The following DNAH3 variants were observed in gnomAD, a reference collection of about 807,000 sequenced individuals.
DNAH3 encodes dynein axonemal heavy chain 3.
A neutral mutation model predicts 432.5 loss-of-function variants in DNAH3; 332 were observed. The ratio of observed to expected loss-of-function variants is 0.77; its 90% CI spans 0.70 to 0.84. The LOEUF is 0.84. Ranked by LOEUF, DNAH3 falls within the 40% of genes least tolerant of loss-of-function variation. The pLI, the probability that DNAH3 is intolerant of heterozygous loss-of-function variation, is 0.00. For synonymous variants in DNAH3, 1,956 were observed against 1,900.2 expected (o/e 1.03, Z -0.76); for missense variants, 4,861 against 5,114.0 (o/e 0.95, Z 1.51).
At chr16:20,995,090 C>A (rs539883286) in intron 44 of DNAH3, among the ~76,000 whole-genome samples, 1 of 152,194 alleles carries the variant, frequency 6.6e-6, no homozygotes, top group Non-Finnish European at 1.5e-5. Context: ...TGCATGCCAC[C>A]ATACCCAGAT....
chr16:21,079,506 C>G (rs2152771592), intron 20 of DNAH3, among the ~76,000 whole-genome samples: 2 of 152,252 alleles, frequency 1.3e-5, no homozygotes, highest in East Asian at 3.9e-4. Context: ...GCCTGTAATC[C>G]CAGCCACTCG....
intron 47 of DNAH3, among the ~76,000 whole-genome samples, chr16:20,986,481 T>A (rs991351294): frequency 6.6e-5 from 10 of 152,306 alleles, no homozygotes; most frequent in African/African-American, 2.4e-4. Flanking sequence ...CACTCCAGCC[T>A]GGGTGACAGA....
chr16:21,000,556 C>A (rs1310825508), intron 42 of DNAH3, 38 bp from the exon 43 acceptor site: 1 of 1,544,872 alleles, frequency 6.5e-7, no homozygotes, highest in Admixed American at 1.9e-5. Flanking sequence ...CGGTTGTGGG[C>A]CCAGGAAGCT....
intron 11 of DNAH3, among the ~76,000 whole-genome samples, chr16:21,120,105 C>CTTTTT (rs35011784): frequency 7.8e-6 from 1 of 128,570 alleles, no homozygotes; most frequent in Non-Finnish European, 1.6e-5. Flanking sequence ...TCCCTACCAA[C>CTTTTT]TTTTTTTTTT....
chr16:20,948,854 C>T (rs1385914887), intron 56 of DNAH3, among the ~76,000 whole-genome samples: 1 of 152,138 alleles, frequency 6.6e-6, no homozygotes, highest in East Asian at 1.9e-4. Context: ...AAAGTGAGAA[C>T]TTACATCCCT....
At chr16:21,001,180 C>G (rs1446005861) in intron 42 of DNAH3, among the ~76,000 whole-genome samples, 1 of 152,222 alleles carries the variant, frequency 6.6e-6, no homozygotes, top group African/African-American at 2.4e-5. Flanking sequence ...ACACACTTTT[C>G]CTGGTATTCA....
intron 16 of DNAH3, among the ~76,000 whole-genome samples, chr16:21,101,086 G>A (rs2152795755): frequency 6.6e-6 from 1 of 152,232 alleles, no homozygotes; most frequent in East Asian, 1.9e-4. Context: ...ACTGGAAATT[G>A]AAAATTCATT....
intron 1 of DNAH3, among the ~76,000 whole-genome samples, chr16:21,147,112 A>C (rs1276595575): frequency 6.6e-6 from 1 of 151,910 alleles, no homozygotes; most frequent in Admixed American, 6.6e-5. Flanking sequence ...CCCTTCTATG[A>C]GCAAATTTGA....
intron 9 of DNAH3, among the ~76,000 whole-genome samples, chr16:21,124,218 T>C (rs2092401044): frequency 6.6e-6 from 1 of 152,206 alleles, no homozygotes; most frequent in Non-Finnish European, 1.5e-5. Context: ...AACCCATATC[T>C]ACAATGAAAC....
chr16:21,138,018 C>T (rs1018586294), intron 5 of DNAH3, among the ~76,000 whole-genome samples: 6 of 151,896 alleles, frequency 4.0e-5, no homozygotes, highest in Admixed American at 3.3e-4. Flanking sequence ...GAGGCCAAGG[C>T]GGGTGGATCA....
intron 41 of DNAH3, 100 bp from the exon 42 acceptor site, chr16:21,003,307 T>C: frequency 1.4e-6 from 1 of 736,980 alleles, no homozygotes; most frequent in Non-Finnish European, 2.3e-6. Flanking sequence ...CATATGAAAA[T>C]GTGTAACTAC....
intron 59 of DNAH3, among the ~76,000 whole-genome samples, chr16:20,937,527 T>C (rs1380218712): frequency 7.2e-6 from 1 of 139,332 alleles, no homozygotes; most frequent in Admixed American, 7.1e-5. Context: ...GTCAAAGTTG[T>C]TCTTTTTTTT....
intron 14 of DNAH3, among the ~76,000 whole-genome samples, 195 bp downstream of exon 14, chr16:21,111,431 A>T (rs1210371260): frequency 1.3e-5 from 2 of 151,968 alleles, no homozygotes; most frequent in African/African-American, 4.8e-5. Context: ...GCCTACTCCA[A>T]CCCCCATGTC....
chr16:21,092,735 A>G (rs1189729632), intron 18 of DNAH3, among the ~76,000 whole-genome samples: 2 of 150,596 alleles, frequency 1.3e-5, no homozygotes, highest in Admixed American at 6.6e-5. Context: ...GATCTGATAA[A>G]TGACTATTAT....
At chr16:20,997,049 ACT>A (rs956685502) in intron 44 of DNAH3, 6 of 462,116 alleles carry the variant, frequency 1.3e-5, no homozygotes, top group African/African-American at 7.8e-5. Context: ...TTCCTATGAG[ACT>A]CTCTGTTTCT....
At chr16:21,050,282 G>T (rs1471307057) in intron 29 of DNAH3, among the ~76,000 whole-genome samples, 1 of 152,170 alleles carries the variant, frequency 6.6e-6, no homozygotes, top group Non-Finnish European at 1.5e-5. Flanking sequence ...TCCAGCACAT[G>T]AGTGGCACCC....
intron 1 of DNAH3, chr16:21,159,308 G>A: frequency 1.2e-6 from 2 of 1,603,516 alleles, no homozygotes; most frequent in Non-Finnish European, 1.7e-6. Context: ...CTTCTGGGAC[G>A]CGGACCCCCT....
At chr16:21,031,551 A>G (rs896716210) in intron 36 of DNAH3, among the ~76,000 whole-genome samples, 1 of 151,690 alleles carries the variant, frequency 6.6e-6, no homozygotes, top group Non-Finnish European at 1.5e-5. Flanking sequence ...GCAGTGAGCT[A>G]TGATTGTGCC....
At position 21,060,523 on chromosome 16, in the gene DNAH3, TTTC is replaced by T. The variant is rs1352372650; in HGVS notation, c.3721-170_3721-168del. On this transcript the variant is annotated intron_variant, in intron 25 of 61. Coordinates refer to ENST00000261383, the Ensembl canonical transcript of DNAH3. ...TCCCCGTTCTTTTTTTCTTTTTTTT[TTTC>T]TTTTTTTTTTTTTTTTTGATACAGA... Among the ~76,000 whole-genome samples, 27 of 121,170 alleles carry T rather than the reference TTTC, an allele frequency of 2.2e-4. 2 individuals carry two copies. Among genetic ancestry groups the T allele is most frequent in the Admixed American group, 2.0e-3 (20 of 10,148 alleles). 79.5% of individuals were successfully genotyped at this position (121,170 alleles called of 152,430 possible).
Sources: allele counts gnomAD v4.1 joint callset (sites outside exome capture counted in the v4.1 genomes callset), GRCh38; gene constraint gnomAD v4.1.1; transcripts MANE v1.5; gene names NCBI Gene and HGNC (gene_info 2026-07-23, HGNC 2026-07-21).